Variants in SNX29 observed in about 807,000 individuals in gnomAD.
The protein encoded by SNX29 is sorting nexin-29.
SNX29 carries 78 observed loss-of-function variants against 102.1 expected under a neutral mutation model. That is an observed-to-expected ratio of 0.76 (90% CI 0.64 to 0.92). The LOEUF (loss-of-function observed/expected upper bound fraction) is 0.92, where lower values mean the gene tolerates loss of function less well. Ranked by LOEUF, SNX29 falls within the 40% of genes least tolerant of loss-of-function variation. The probability of loss-of-function intolerance (pLI) is 0.00; values close to 1 mark genes in which losing one functional copy is unlikely to be tolerated. For synonymous variants in SNX29, 580 were observed against 414.5 expected (o/e 1.40, Z -4.85); for missense variants, 1,280 against 1,061.7 (o/e 1.21, Z -2.86).
intron 11 of SNX29, among the ~76,000 whole-genome samples, chr16:12,113,307 A>T (rs2053569233): frequency 6.6e-6 from 1 of 152,290 alleles, no homozygotes; most frequent in East Asian, 1.9e-4. Flanking sequence ...CTCAGAGCAG[A>T]CAAGCCACAC....
chr16:12,549,164 T>C (rs2077801796), intron 20 of SNX29, among the ~76,000 whole-genome samples: 1 of 152,214 alleles, frequency 6.6e-6, no homozygotes, highest in South Asian at 2.1e-4. Context: ...TCACATTTGC[T>C]GTTCATGGAG....
In SNX29 at chr16:12,568,623, C is replaced by T. The variant is rs184647146; in HGVS notation, c.2436C>T (p.Asp812=). ...ETRNVEPQSG[D]L ...GCAACGTGGAGCCCCAGAGCGGTGA[C>T]CTCTGACCTCGACAAAACCGCAGCC... The change falls in exon 21 of 21, where the codon GAC becomes GAT. Residue 812 remains aspartate, a synonymous_variant. Transcript: ENST00000566228. The T allele has an allele frequency of 4.1e-4, 656 of 1,603,192 alleles. 14 individuals are homozygous for T. Among genetic ancestry groups the T allele is most frequent in the African/African-American group, 3.8e-3 (286 of 75,044 alleles).
intron 14 of SNX29, among the ~76,000 whole-genome samples, chr16:12,214,190 A>C (rs534407444): frequency 1.3e-5 from 2 of 152,338 alleles, no homozygotes; most frequent in Admixed American, 1.3e-4. Context: ...GGAAATATCA[A>C]GTATCGATTC....
rs1291934940 is a variant in SNX29 at position 12,571,837 on chromosome 16, T to TA, written c.*3209dup. The stretch of plus-strand genomic sequence containing the variant: ...AGCTTCTTTGATTCCCACTTAGCAG[T>TA]ATGCTCCAATCACGTTGCTGGCAAG... On this transcript the variant is annotated 3_prime_UTR_variant, in exon 21 of 21. Transcript: ENST00000566228. 2.9e-6 allele frequency: 3 copies of TA among 1,049,302 alleles called. No individual in the cohort carries two copies. The highest frequency in any genetic ancestry group is 3.5e-6 in the Non-Finnish European group (3 of 865,952). 65.0% of individuals were successfully genotyped at this position (1,049,302 alleles called of 1,614,324 possible). A position where few individuals can be genotyped will look rare whatever the true frequency, so the allele number is the denominator to read the frequency against.
chr16:12,094,195 A>C (rs1435876055), intron 11 of SNX29, among the ~76,000 whole-genome samples: 2 of 152,186 alleles, frequency 1.3e-5, no homozygotes, highest in Non-Finnish European at 2.9e-5. Context: ...GATGGAAGAT[A>C]CTCAGAAGAT....
At chr16:12,149,204 C>G (rs899524618) in intron 13 of SNX29, among the ~76,000 whole-genome samples, 1 of 152,124 alleles carries the variant, frequency 6.6e-6, no homozygotes, top group African/African-American at 2.4e-5. Flanking sequence ...GAGCCCCAGC[C>G]CTGACACCTG....
intron 20 of SNX29, among the ~76,000 whole-genome samples, chr16:12,558,876 A>T (rs959045704): frequency 6.6e-6 from 1 of 152,176 alleles, no homozygotes; most frequent in African/African-American, 2.4e-5. Context: ...ATTTGCAGAA[A>T]ATGTGCCTGA....
chr16:12,394,103 C>T (rs532449419), intron 16 of SNX29, among the ~76,000 whole-genome samples: 2 of 152,346 alleles, frequency 1.3e-5, no homozygotes, highest in Admixed American at 1.3e-4. Context: ...CTTCCTGCAG[C>T]AGCAACAGCA....
At chr16:12,084,897 T>C (rs1158103993) in intron 11 of SNX29, among the ~76,000 whole-genome samples, 2 of 151,978 alleles carry the variant, frequency 1.3e-5, no homozygotes, top group African/African-American at 4.8e-5. Flanking sequence ...AGTGAGACTC[T>C]GTCTCTATAA....
At chr16:12,414,826 A>G (rs566392834) in intron 18 of SNX29, among the ~76,000 whole-genome samples, 234 of 152,228 alleles carry the variant, frequency 1.5e-3, no homozygotes, top group African/African-American at 5.4e-3. Context: ...GGTTCAAGCA[A>G]TTCTCCCACC....
intron 4 of SNX29, among the ~76,000 whole-genome samples, chr16:12,036,206 C>T (rs933021541): frequency 1.3e-5 from 2 of 152,164 alleles, no homozygotes; most frequent in African/African-American, 4.8e-5. Flanking sequence ...TCCCAAGTAG[C>T]TGGGACGACA....
chr16:12,549,701 C>T (rs1225315795), intron 20 of SNX29, among the ~76,000 whole-genome samples: 1 of 152,218 alleles, frequency 6.6e-6, no homozygotes, highest in Non-Finnish European at 1.5e-5. Context: ...GCAGATGCTG[C>T]TTGGGGCCAG....
intron 11 of SNX29, among the ~76,000 whole-genome samples, chr16:12,083,678 C>T (rs772665236): frequency 1.3e-5 from 2 of 152,158 alleles, no homozygotes; most frequent in Non-Finnish European, 2.9e-5. Context: ...TCGCAAATGC[C>T]GTCCCAGTTC....
chr16:12,539,523 A>G (rs559795071), intron 20 of SNX29, among the ~76,000 whole-genome samples: 21 of 152,336 alleles, frequency 1.4e-4, no homozygotes, highest in Admixed American at 5.2e-4. Flanking sequence ...GTTGTTGGCA[A>G]TTTTGAATAG....
chr16:12,541,631 T>C (rs1411718402), intron 20 of SNX29, among the ~76,000 whole-genome samples: 2 of 152,162 alleles, frequency 1.3e-5, no homozygotes, highest in African/African-American at 2.4e-5. Context: ...TCGGGGTCCA[T>C]CGCATCTTCG....
At chr16:12,555,907 C>A (rs886552751) in intron 20 of SNX29, among the ~76,000 whole-genome samples, 3 of 151,380 alleles carry the variant, frequency 2.0e-5, no homozygotes, top group Non-Finnish European at 4.4e-5. Context: ...TGGTCTCAAA[C>A]CTTATTTTTG....
At chr16:12,443,587 A>G (rs1161526957) in intron 18 of SNX29, among the ~76,000 whole-genome samples, 3 of 152,164 alleles carry the variant, frequency 2.0e-5, no homozygotes, top group Admixed American at 1.3e-4. Context: ...ATTAGCTGGA[A>G]CTACAGACAT....
chr16:12,066,101 G>A (rs746623810), intron 9 of SNX29, among the ~76,000 whole-genome samples: 9 of 152,086 alleles, frequency 5.9e-5, no homozygotes, highest in Admixed American at 1.3e-4. Flanking sequence ...CTCACTGAGC[G>A]CTCTCATTGA....
chr16:12,473,021 C>T (rs1000222210), intron 18 of SNX29, among the ~76,000 whole-genome samples: 15 of 151,880 alleles, frequency 9.9e-5, no homozygotes, highest in Admixed American at 2.6e-4. Context: ...TCTTTTTATC[C>T]CTCCAAGGAA....
Sources: allele counts gnomAD v4.1 joint callset (sites outside exome capture counted in the v4.1 genomes callset), GRCh38; gene constraint gnomAD v4.1.1; transcripts MANE v1.5; gene names NCBI Gene and HGNC (gene_info 2026-07-23, HGNC 2026-07-21).